Variants in PREX2 observed in about 807,000 individuals in gnomAD.
The protein encoded by PREX2 is phosphatidylinositol-3,4,5-trisphosphate dependent Rac exchange factor 2.
In PREX2, 107 loss-of-function variants were observed where a neutral mutation model predicts 203.2. The ratio of observed to expected loss-of-function variants is 0.53; its 90% CI spans 0.45 to 0.62. PREX2 has a LOEUF of 0.62. Ranked by LOEUF, PREX2 falls within the 20% of genes least tolerant of loss-of-function variation. PREX2 has a pLI of 0.00. For synonymous variants in PREX2, 672 were observed against 663.6 expected (o/e 1.01, Z -0.19); for missense variants, 1,777 against 1,955.9 (o/e 0.91, Z 1.72).
intron 8 of PREX2, among the ~76,000 whole-genome samples, chr8:68,047,917 A>C (rs1808418847): frequency 6.6e-6 from 1 of 152,012 alleles, no homozygotes; most frequent in Non-Finnish European, 1.5e-5. Flanking sequence ...TCTTTTGATA[A>C]ATAATATTAT....
At chr8:68,192,203 T>G (rs1812308841) in intron 36 of PREX2, 132 bp from the exon 37 acceptor site, 2 of 647,746 alleles carry the variant, frequency 3.1e-6, no homozygotes, top group Admixed American at 3.2e-5. Flanking sequence ...ATTATAAATA[T>G]TAGTAGTCTC....
At chr8:68,106,803 A>ATTTACTCTAC (rs1810422610) in intron 23 of PREX2, among the ~76,000 whole-genome samples, 2 of 152,166 alleles carry the variant, frequency 1.3e-5, no homozygotes, top group Admixed American at 1.3e-4. Context: ...AGATAGGATC[A>ATTTACTCTAC]TGGTTATAGT....
At chr8:68,175,829 G>A (rs1648252002) in intron 35 of PREX2, among the ~76,000 whole-genome samples, 2 of 151,686 alleles carry the variant, frequency 1.3e-5, no homozygotes, top group Non-Finnish European at 2.9e-5. Flanking sequence ...ATTATATATG[G>A]TAACATATAA....
chr8:68,211,451 A>G (rs1292485226), intron 37 of PREX2, among the ~76,000 whole-genome samples: 1 of 152,170 alleles, frequency 6.6e-6, no homozygotes, highest in Non-Finnish European at 1.5e-5. Context: ...GTGTTCCATA[A>G]GTTTTTCCAA....
At chr8:68,210,555 A>G (rs1293424702) in intron 37 of PREX2, among the ~76,000 whole-genome samples, 3 of 152,220 alleles carry the variant, frequency 2.0e-5, no homozygotes, top group Admixed American at 2.0e-4. Context: ...CTGGTTTCCC[A>G]TGTCATTTCA....
rs1808438247 is a variant in PREX2, at chr8:68,048,776, C to T, written c.943+4186C>T. On this transcript the variant is annotated intron_variant, in intron 8 of 39. Transcript: ENST00000288368. ...AAATGTGAACTTTATAATTTTGTAT[C>T]CTTTTTCACTTAAATCAAGTACCTG... 2.6e-5 allele frequency among the ~76,000 whole-genome samples: 4 copies of T among 151,856 alleles called. No individual in the cohort carries two copies. The South Asian group carries it at 8.3e-4, about 31-fold the overall frequency.
Position 68,188,874 on chromosome 8 carries a change from CA to C in PREX2, c.4347-2843del, listed in dbSNP as rs377458217. On this transcript the variant is annotated intron_variant, in intron 35 of 39. Coordinates refer to ENST00000288368, the MANE Select transcript of PREX2 (RefSeq NM_024870.4). ...ACCATATCAGCCATCCATAAAGAAACAAAAATGTCAAGTTATTATTTATTTA... is the reference window on the plus strand; with the variant it reads ...ACCATATCAGCCATCCATAAAGAAACAAAATGTCAAGTTATTATTTATTTA... Among the ~76,000 whole-genome samples, 161 of 152,154 alleles carry C rather than the reference CA, an allele frequency of 1.1e-3. 2 individuals carry two copies. The highest frequency in any genetic ancestry group is 3.8e-3 in the African/African-American group (158 of 41,514).
chr8:68,203,839 A>G (rs1344301682), intron 37 of PREX2, among the ~76,000 whole-genome samples: 1 of 152,200 alleles, frequency 6.6e-6, no homozygotes, highest in East Asian at 1.9e-4. Flanking sequence ...AAGAGAAAAC[A>G]ATGATGGTCC....
At chr8:68,102,896 G>A (rs370429009) in intron 23 of PREX2, 37 of 518,122 alleles carry the variant, frequency 7.1e-5, no homozygotes, top group East Asian at 4.9e-4. Flanking sequence ...TAAGCGAGAT[G>A]TTTTTCTCTG....
At chr8:67,968,020 ATATG>A (rs1410883463) in intron 1 of PREX2, among the ~76,000 whole-genome samples, 1 of 151,720 alleles carries the variant, frequency 6.6e-6, no homozygotes, top group African/African-American at 2.4e-5. Context: ...ACAGGTATGC[ATATG>A]TAACAAACCT....
At chr8:68,064,936 C>T (rs554183258) in intron 11 of PREX2, among the ~76,000 whole-genome samples, 2 of 152,288 alleles carry the variant, frequency 1.3e-5, no homozygotes, top group South Asian at 4.1e-4. Flanking sequence ...CCTTCACCAC[C>T]TAGAGAGCCA....
intron 23 of PREX2, among the ~76,000 whole-genome samples, chr8:68,103,418 C>T (rs140765918): frequency 5.3e-5 from 8 of 152,298 alleles, no homozygotes; most frequent in East Asian, 1.9e-4. Flanking sequence ...CAATAATTCA[C>T]GAATTAGCTA....
intron 31 of PREX2, among the ~76,000 whole-genome samples, chr8:68,133,635 G>A (rs1811051963): frequency 1.3e-5 from 2 of 152,096 alleles, no homozygotes; most frequent in Non-Finnish European, 2.9e-5. Flanking sequence ...TTTTAAAATT[G>A]TATTAATAAT....
intron 21 of PREX2, 88 bp downstream of exon 21, chr8:68,093,810 A>C (rs1010005335): frequency 1.7e-6 from 1 of 602,378 alleles, no homozygotes; most frequent in Non-Finnish European, 2.9e-6. Flanking sequence ...GGTCCTGTAC[A>C]TGTTGAAGCC....
rs1585838982 is a variant in PREX2, at chr8:68,164,664, C to T, written c.4346+7228C>T. 2.7e-5 allele frequency among the ~76,000 whole-genome samples: 4 copies of T among 149,896 alleles called. No homozygotes were observed. The Admixed American group carries it at 2.7e-4, about 10-fold the overall frequency. On this transcript the variant is annotated intron_variant, in intron 35 of 39. Transcript: ENST00000288368. Reference sequence around the variant, plus strand: ...GTGGCACGATCTTGGCTCACCTCAACCTCCACCTCCTGGGTTCAAATGATT... The same window carrying T: ...GTGGCACGATCTTGGCTCACCTCAATCTCCACCTCCTGGGTTCAAATGATT...
At chr8:68,183,628 A>G (rs1376301112) in intron 35 of PREX2, among the ~76,000 whole-genome samples, 1 of 152,122 alleles carries the variant, frequency 6.6e-6, no homozygotes, top group African/African-American at 2.4e-5. Context: ...CCTTAGCAGA[A>G]TCATAAAAAA....
intron 37 of PREX2, among the ~76,000 whole-genome samples, chr8:68,213,346 A>G (rs993030918): frequency 6.6e-5 from 10 of 152,230 alleles, no homozygotes; most frequent in Non-Finnish European, 1.5e-4. Context: ...CTATGTGAAC[A>G]CAGTGCTAAG....
At chr8:68,116,478 A>G (rs147805242) in intron 26 of PREX2, among the ~76,000 whole-genome samples, 1 of 152,212 alleles carries the variant, frequency 6.6e-6, no homozygotes. Context: ...CAGCTTAAAA[A>G]ACAGAAATTT....
At chr8:68,196,482 T>A (rs1224445189) in intron 37 of PREX2, among the ~76,000 whole-genome samples, 3 of 147,932 alleles carry the variant, frequency 2.0e-5, no homozygotes, top group Non-Finnish European at 4.5e-5. Flanking sequence ...TATGTACATA[T>A]ATATATATGT....
Sources: gnomAD v4.1 joint callset for allele counts (sites outside exome capture counted in the v4.1 genomes callset) on GRCh38, gnomAD v4.1.1 for gene constraint, MANE v1.5 for transcripts, NCBI Gene and HGNC (gene_info 2026-07-23, HGNC 2026-07-21) for gene names.